Variants in ZNF208 observed in about 807,000 individuals in gnomAD.
ZNF208 encodes zinc finger protein 95.
In ZNF208, 10 loss-of-function variants were observed where a neutral mutation model predicts 12.1. That is an observed-to-expected ratio of 0.83 (90% CI 0.51 to 1.40). The LOEUF (loss-of-function observed/expected upper bound fraction) is 1.40. Among genes scored for constraint, ZNF208 ranks in the 40% most tolerant of loss-of-function variants. ZNF208 has a pLI of 0.00. For synonymous variants in ZNF208, 497 were observed against 488.4 expected (o/e 1.02, Z -0.23); for missense variants, 1,652 against 1,485.0 (o/e 1.11, Z -1.85).
intron 4 of ZNF208, among the ~76,000 whole-genome samples, chr19:21,950,526 C>G (rs367891846): frequency 6.8e-6 from 1 of 147,240 alleles, no homozygotes. Flanking sequence ...CAGAGTCTCA[C>G]TCTGTCACCT....
At chr19:22,003,312 G>A (rs1453966583) in intron 1 of ZNF208, among the ~76,000 whole-genome samples, 1 of 152,076 alleles carries the variant, frequency 6.6e-6, no homozygotes, top group Non-Finnish European at 1.5e-5. Flanking sequence ...AAAAGCAATT[G>A]CAACAAAAGC....
downstream of ZNF208, among the ~76,000 whole-genome samples, chr19:21,963,552 A>G (rs1334841893): frequency 6.6e-6 from 1 of 152,044 alleles, no homozygotes; most frequent in African/African-American, 2.4e-5. Context: ...TGCTGAGTGG[A>G]GGTGCAACAC....
intron 4 of ZNF208, among the ~76,000 whole-genome samples, chr19:21,957,888 GGTTA>G (rs946764399): frequency 5.7e-4 from 87 of 151,692 alleles, no homozygotes; most frequent in African/African-American, 1.9e-3. Flanking sequence ...ACAATGTGCA[GGTTA>G]GTTACATATG....
Position 21,972,820 on chromosome 19 carries a change from T to C in ZNF208, c.2214A>G (p.Lys738=). 6.2e-7 allele frequency: 1 copy of C among 1,612,444 alleles called. No individual in the cohort carries two copies. Among genetic ancestry groups the C allele is most frequent in the South Asian group, 1.1e-5 (1 of 91,010 alleles). ...TCTCTCCAGTATGAATTACCTTATGTTTAGTAAGGACTGAGAATGTACTAA... is the reference window on the plus strand; with the variant it reads ...TCTCTCCAGTATGAATTACCTTATGCTTAGTAAGGACTGAGAATGTACTAA... ...KSFSTFSVLT[K]HKVIHTGEKP... Residue 738 remains lysine (K), a synonymous_variant, in exon 4 of 4, where the codon AAA becomes AAG. Coordinates refer to ENST00000397126, the MANE Select transcript of ZNF208 (RefSeq NM_007153.3).
rs1395480824 is a variant in ZNF208, at chr19:21,971,783, G to T, written c.3251C>A (p.Pro1084His). 3 of 1,613,838 alleles carry T rather than the reference G, an allele frequency of 1.9e-6. No individual in the cohort carries two copies. The highest frequency in any genetic ancestry group is 1.7e-6 in the Non-Finnish European group (2 of 1,179,934). ...TTTGCCACATTCTTCACATTTGTAG[G>T]GTTCCTCTCCAGCATGAGTTGCCTT... ...EHKATHAGEE[P>H]YKCEECGKAF... Residue 1084 changes from proline (P) to histidine (H), a missense_variant, in exon 4 of 4, where the codon CCC becomes CAC. By Grantham distance (77) the Pro-to-His change is moderately conservative. Around this residue, in one of 3 missense-constraint regions of ZNF208, gnomAD observed 1,239 missense variants for 1,086.2 expected, o/e 1.14. Transcript: ENST00000397126.
Position 21,971,816 on chromosome 19 carries a change from G to A in ZNF208, c.3218C>T (p.Thr1073Ile). 1 of 1,611,742 alleles carries A rather than the reference G, an allele frequency of 6.2e-7. No homozygotes were observed. ...GKAFSWPSRL[T>I]EHKATHAGEE... ...TCCAGCATGAGTTGCCTTATGTTCA[G>A]TAAGTCTTGAGGGCCAGCTGAAGGC... is the stretch of plus-strand genomic sequence containing the variant. Residue 1073 changes from threonine (T) to isoleucine (I), a missense_variant, in exon 4 of 4, where the codon ACT (threonine) becomes ATT (isoleucine). By Grantham distance (89) the Thr-to-Ile change is moderately conservative (BLOSUM62 -1). Around this residue, in one of 3 missense-constraint regions of ZNF208, gnomAD observed 1,239 missense variants for 1,086.2 expected, o/e 1.14. Coordinates refer to ENST00000397126, the MANE Select transcript of ZNF208 (RefSeq NM_007153.3).
chr19:21,987,622 T>C (rs978730802), intron 2 of ZNF208, among the ~76,000 whole-genome samples: 1 of 152,074 alleles, frequency 6.6e-6, no homozygotes, highest in African/African-American at 2.4e-5. Flanking sequence ...AGAAAGATAC[T>C]CCTTTGAAGC....
intron 3 of ZNF208, among the ~76,000 whole-genome samples, chr19:21,978,212 T>C (rs1970468844): frequency 2.0e-5 from 3 of 152,174 alleles, no homozygotes; most frequent in Non-Finnish European, 4.4e-5. Context: ...CAGCTCAGCA[T>C]TTGAGCTCTG....
chr19:21,991,605 T>A (rs1970735199), intron 1 of ZNF208: 1 of 152,138 alleles, frequency 6.6e-6, no homozygotes, highest in Admixed American at 6.6e-5. Context: ...CCAGGCATGG[T>A]GGCGCATGCC....
chr19:21,964,956 A>C (rs1320926981), downstream of ZNF208, among the ~76,000 whole-genome samples: 2 of 152,106 alleles, frequency 1.3e-5, no homozygotes, highest in Non-Finnish European at 2.9e-5. Context: ...TTAGAAAATA[A>C]GTACGAAAAT....
downstream of ZNF208, among the ~76,000 whole-genome samples, chr19:21,962,695 C>T (rs1374729701): frequency 6.6e-6 from 1 of 152,106 alleles, no homozygotes; most frequent in Non-Finnish European, 1.5e-5. Context: ...TCTAGCATGA[C>T]AGCAACTTCT....
At position 21,974,507 on chromosome 19, in the gene ZNF208, T is replaced by G; in HGVS notation, c.527A>C (p.Lys176Thr). The change falls in exon 4 of 4, where the codon AAA (lysine) becomes ACA (threonine). Residue 176 changes from lysine to threonine, a missense_variant. Physicochemically the swap from Lys to Thr is moderately conservative, Grantham distance 78 (BLOSUM62 -1). Around this residue, in one of 3 missense-constraint regions of ZNF208, gnomAD observed 410 missense variants for 378.2 expected, o/e 1.08. Transcript: ENST00000397126. Reference sequence around the variant, plus strand: ...CATGCAAAATGATCTGACGTATTCTTTACATTGCAAATGTTTCTTTCCAGT... The same window carrying G: ...CATGCAAAATGATCTGACGTATTCTGTACATTGCAAATGTTTCTTTCCAGT... ...RHTGKKHLQCKEYVRSFCMLS... is the reference protein window; with the variant it reads ...RHTGKKHLQCTEYVRSFCMLS... The G allele has an allele frequency of 1.2e-6, 2 of 1,613,704 alleles. No individual in the cohort carries two copies. Among genetic ancestry groups the G allele is most frequent in the Middle Eastern group, 1.7e-4 (1 of 6,054 alleles).
In ZNF208 at chr19:21,973,692, T is replaced by C. The variant is rs1391746705; in HGVS notation, c.1342A>G (p.Thr448Ala). 4 of 1,571,802 alleles carry C rather than the reference T, an allele frequency of 2.5e-6. No individual in the cohort carries two copies. The highest frequency in any genetic ancestry group is 3.5e-6 in the Non-Finnish European group (4 of 1,144,946). ...TCACATTTGTAGGGTGTCTCTCCAG[T>C]GTGAATTTTCTTATGTTCCATAAGG... Reference protein sequence around the residue: ...SNLMEHKKIHTGETPYKCEEC... With the variant: ...SNLMEHKKIHAGETPYKCEEC... Residue 448 changes from threonine (T) to alanine (A), a missense_variant, in exon 4 of 4, where the codon ACT becomes GCT. By Grantham distance (58) the Thr-to-Ala change is moderately conservative (BLOSUM62 0). Coordinates refer to ENST00000397126, the MANE Select transcript of ZNF208 (RefSeq NM_007153.3).
intron 4 of ZNF208, among the ~76,000 whole-genome samples, chr19:21,956,251 G>A (rs1969974264): frequency 6.6e-6 from 1 of 152,182 alleles, no homozygotes; most frequent in African/African-American, 2.4e-5. Context: ...GCCCCTACTG[G>A]GAGGTGTCTC....
In ZNF208 at chr19:21,973,423, G is replaced by T; in HGVS notation, c.1611C>A (p.Phe537Leu). 1 of 1,612,560 alleles carries T rather than the reference G, an allele frequency of 6.2e-7. No homozygotes were observed. Among genetic ancestry groups the T allele is most frequent in the South Asian group, 1.1e-5 (1 of 91,024 alleles). Residue 537 changes from phenylalanine to leucine, a missense_variant, in exon 4 of 4, where the codon TTC becomes TTA. Around this residue, in one of 3 missense-constraint regions of ZNF208, gnomAD observed 1,239 missense variants for 1,086.2 expected, o/e 1.14. Transcript: ENST00000397126. ...TTACCTTATGTTTAGTAAGGATTGA[G>T]AATGTACTGAAGCTTTTGCCACATT... The part of the protein sequence containing the change: ...CEECGKSFST[F>L]SILTKHKVIH...
intron 3 of ZNF208, among the ~76,000 whole-genome samples, chr19:21,977,790 C>G (rs1970461349): frequency 6.6e-6 from 1 of 152,192 alleles, no homozygotes; most frequent in African/African-American, 2.4e-5. Context: ...TCTGGCTTGG[C>G]AGTTCCCACA....
chr19:21,973,949 A>C lies in ZNF208; in HGVS notation c.1085T>G (p.Ile362Ser). ...KFSILTKHKV[I>S]HTGEKPYKCE... Reference sequence around the variant, plus strand: ...TTTGTAGGGTTTCTCTCCAGTATGAATTACCTTATGTTTAGTAAGGATTGA... The same window carrying C: ...TTTGTAGGGTTTCTCTCCAGTATGACTTACCTTATGTTTAGTAAGGATTGA... Residue 362 changes from isoleucine to serine, a missense_variant, in exon 4 of 4, where the codon ATT becomes AGT. Ile to Ser is a moderately radical substitution (Grantham distance 142, BLOSUM62 -2). Transcript: ENST00000397126. 1.2e-6 allele frequency: 2 copies of C among 1,613,430 alleles called. No homozygotes were observed. The highest frequency in any genetic ancestry group is 1.7e-6 in the Non-Finnish European group (2 of 1,179,844).
intron 4 of ZNF208, among the ~76,000 whole-genome samples, chr19:21,947,829 G>C (rs2145513501): frequency 6.6e-6 from 1 of 152,292 alleles, no homozygotes; most frequent in East Asian, 1.9e-4. Context: ...AAAGTATCTT[G>C]CCTAAATCCA....
intron 4 of ZNF208, among the ~76,000 whole-genome samples, chr19:21,952,854 G>A (rs537890504): frequency 4.6e-5 from 7 of 152,186 alleles, no homozygotes; most frequent in African/African-American, 7.2e-5. Context: ...TCAGAAGGTC[G>A]GTAGTAACAA....
Sources: allele counts gnomAD v4.1 joint callset (sites outside exome capture counted in the v4.1 genomes callset), GRCh38; gene constraint gnomAD v4.1.1; regional missense constraint gnomAD v4.1.1; transcripts MANE v1.5; gene names NCBI Gene and HGNC (gene_info 2026-07-23, HGNC 2026-07-21).